TFPI: variants seen among roughly 807,000 people sequenced by gnomAD.
TFPI encodes tissue factor pathway inhibitor, also known as anti-convertin.
Under a neutral mutation model 34.6 loss-of-function variants are expected in TFPI, and 15 were observed. That is an observed-to-expected ratio of 0.43 (90% CI 0.29 to 0.67). The LOEUF is 0.67. Among genes scored for constraint, TFPI ranks in the 30% least tolerant of loss-of-function variants. The probability of loss-of-function intolerance (pLI) is 0.15; values close to 1 mark genes in which losing one functional copy is unlikely to be tolerated. For synonymous variants in TFPI, 105 were observed against 120.1 expected, an observed-to-expected ratio of 0.87 and a Z score of 0.82; for missense variants, 301 against 364.0, an observed-to-expected ratio of 0.83 and a Z score of 1.41.
chr2:187,553,667 AAAATATTTC>A (rs1689174132), intron 1 of TFPI, among the ~76,000 whole-genome samples: 2 of 152,166 alleles, frequency 1.3e-5, no homozygotes, highest in African/African-American at 4.8e-5. Flanking sequence ...GGAGAATTGT[AAAATATTTC>A]CTTAGAGAGA....
chr2:187,486,545 AGTT>A (rs971906071), intron 4 of TFPI, among the ~76,000 whole-genome samples: 2 of 151,698 alleles, frequency 1.3e-5, no homozygotes, highest in African/African-American at 4.8e-5. Flanking sequence ...TACAACTGAA[AGTT>A]GTTATTTTTC....
At chr2:187,481,333 T>C (rs1296339883) in intron 6 of TFPI, among the ~76,000 whole-genome samples, 1 of 152,018 alleles carries the variant, frequency 6.6e-6, no homozygotes, top group Non-Finnish European at 1.5e-5. Flanking sequence ...TAAACTACAA[T>C]AGAATGTATT....
At chr2:187,470,406 T>C (rs571365196) in intron 6 of TFPI, among the ~76,000 whole-genome samples, 2 of 152,190 alleles carry the variant, frequency 1.3e-5, no homozygotes, top group African/African-American at 4.8e-5. Context: ...AAAATCAAGG[T>C]TATTTCAAAA....
chr2:187,531,934 T>A (rs1687978810), intron 1 of TFPI, among the ~76,000 whole-genome samples: 1 of 152,166 alleles, frequency 6.6e-6, no homozygotes, highest in Non-Finnish European at 1.5e-5. Context: ...AAATTTTTTT[T>A]TCAAAATTGG....
intron 6 of TFPI, among the ~76,000 whole-genome samples, chr2:187,474,898 C>T (rs1559097842): frequency 6.6e-6 from 1 of 152,048 alleles, no homozygotes; most frequent in African/African-American, 2.4e-5. Flanking sequence ...TAGCCAGCAT[C>T]CAGGCAAACG....
intron 6 of TFPI, among the ~76,000 whole-genome samples, chr2:187,470,998 A>G (rs1245231764): frequency 2.0e-5 from 3 of 152,250 alleles, no homozygotes; most frequent in African/African-American, 4.8e-5. Flanking sequence ...GTTTTGACCC[A>G]GATCAACAGT....
At chr2:187,470,334 G>A (rs1404788439) in intron 6 of TFPI, among the ~76,000 whole-genome samples, 1 of 152,110 alleles carries the variant, frequency 6.6e-6, no homozygotes, top group Non-Finnish European at 1.5e-5. Context: ...ATTTTCTGAT[G>A]ACAGGGAGCA....
Position 187,488,240 on chromosome 2 carries a change from C to T in TFPI, c.358+97G>A, listed in dbSNP as rs1693431794. On this transcript the variant is annotated intron_variant, in intron 4 of 7. Transcript: ENST00000233156. ...TAAGAATTGAATATCTATACTGAAT[C>T]AGGGACCAGAAAAAACAAACAAGCA... is the stretch of plus-strand genomic sequence containing the variant. 9.7e-6 allele frequency: 9 copies of T among 928,672 alleles called. No individual in the cohort carries two copies. In the South Asian group the frequency reaches 1.5e-4, roughly 15 times the overall value. 57.5% of individuals were successfully genotyped at this position (928,672 alleles called of 1,614,324 possible). A position where few individuals can be genotyped will look rare whatever the true frequency, so the allele number is the denominator to read the frequency against.
At chr2:187,542,727 C>T (rs922155746) in intron 1 of TFPI, among the ~76,000 whole-genome samples, 4 of 151,930 alleles carry the variant, frequency 2.6e-5, no homozygotes, top group African/African-American at 7.2e-5. Context: ...ATTAGCTGGG[C>T]GTGGTGGCGT....
chr2:187,500,594 T>C (rs1001485557), intron 2 of TFPI, among the ~76,000 whole-genome samples: 1 of 152,220 alleles, frequency 6.6e-6, no homozygotes, highest in African/African-American at 2.4e-5. Flanking sequence ...GATAATTTTA[T>C]AGAAATTTTC....
At chr2:187,509,912 C>T (rs536744318) in intron 1 of TFPI, among the ~76,000 whole-genome samples, 7 of 152,304 alleles carry the variant, frequency 4.6e-5, no homozygotes, top group African/African-American at 1.7e-4. Context: ...CATTCCTTAT[C>T]CTTTATGCCT....
intron 3 of TFPI, among the ~76,000 whole-genome samples, chr2:187,490,401 T>G (rs1359603819): frequency 1.3e-5 from 2 of 151,656 alleles, no homozygotes; most frequent in East Asian, 3.9e-4. Flanking sequence ...CTTTAAAAAT[T>G]TTGGAGTTTT....
chr2:187,515,790 G>C (rs1195925993), intron 1 of TFPI: 1 of 152,156 alleles, frequency 6.6e-6, no homozygotes, highest in Admixed American at 6.5e-5. Context: ...AAAGGAGCTT[G>C]TTTGTTTAAT....
intron 4 of TFPI, among the ~76,000 whole-genome samples, chr2:187,487,523 G>A (rs1179910065): frequency 6.6e-6 from 1 of 151,268 alleles, no homozygotes; most frequent in Non-Finnish European, 1.5e-5. Flanking sequence ...GGTCTTTCAT[G>A]TTGCGGTCTT....
At chr2:187,477,906 A>T (rs1390708643) in intron 6 of TFPI, among the ~76,000 whole-genome samples, 1 of 152,200 alleles carries the variant, frequency 6.6e-6, no homozygotes, top group Non-Finnish European at 1.5e-5. Flanking sequence ...ATGTCATCCA[A>T]TTACTTTCCC....
chr2:187,478,163 T>C (rs1574378371), intron 6 of TFPI, among the ~76,000 whole-genome samples: 1 of 151,996 alleles, frequency 6.6e-6, no homozygotes, highest in South Asian at 2.1e-4. Flanking sequence ...AGTTCGAGAC[T>C]AGCCTGGCCA....
At chr2:187,527,644 T>G (rs1187059480) in intron 1 of TFPI, among the ~76,000 whole-genome samples, 1 of 152,174 alleles carries the variant, frequency 6.6e-6, no homozygotes, top group East Asian at 1.9e-4. Flanking sequence ...TGACATAAAA[T>G]TAAAAAGATA....
chr2:187,472,229 C>T (rs928195557), intron 6 of TFPI, among the ~76,000 whole-genome samples: 1 of 151,848 alleles, frequency 6.6e-6, no homozygotes, highest in Non-Finnish European at 1.5e-5. Context: ...TTTATATAGG[C>T]CTCACTCTTT....
Position 187,497,000 on chromosome 2 carries a change from A to G in TFPI, c.200T>C (p.Met67Thr), listed in dbSNP as rs1273055757. The G allele has an allele frequency of 6.2e-6, 10 of 1,613,344 alleles. No individual in the cohort carries two copies. The highest frequency in any genetic ancestry group is 1.7e-5 in the Admixed American group (1 of 59,938). Residue 67 changes from methionine to threonine, a missense_variant, in exon 3 of 8, where the codon ATG becomes ACG. By Grantham distance (81) the Met-to-Thr change is moderately conservative. Transcript: ENST00000233156. ...GAAAATATTGAAGAAAAATCTTTTCATGATTGCTTTACATGGGCCATCATC... is the reference window on the plus strand; with the variant it reads ...GAAAATATTGAAGAAAAATCTTTTCGTGATTGCTTTACATGGGCCATCATC... ...KADDGPCKAI[M>T]KRFFFNIFTR...
Sources: gnomAD v4.1 joint callset for allele counts (sites outside exome capture counted in the v4.1 genomes callset) on GRCh38, gnomAD v4.1.1 for gene constraint, MANE v1.5 for transcripts, NCBI Gene and HGNC (gene_info 2026-07-23, HGNC 2026-07-21) for gene names.